Variants in PKIB observed in about 807,000 individuals in gnomAD.
PKIB encodes the protein PKI-beta.
PKIB carries 2 observed loss-of-function variants against 4.5 expected under a neutral mutation model. That is an observed-to-expected ratio of 0.44 (90% CI 0.18 to 1.39). The LOEUF is 1.39. Ranked by LOEUF, PKIB falls within the 40% of genes most tolerant of loss-of-function variation. The pLI is 0.27. For synonymous variants in PKIB, 38 were observed against 36.0 expected (o/e 1.06, Z -0.20); for missense variants, 94 against 92.6 (o/e 1.02, Z -0.06).
rs1775775996 is a variant in PKIB at position 122,633,342 on chromosome 6, C to T, written c.-101C>T. ...ATAACTCTGGGAGAAGCAGAAAACC[C>T]TGTGCCAGGGACAGGAAAGATAGGA... On this transcript the variant is annotated 5_prime_UTR_variant, in exon 2 of 5. Transcript: ENST00000368452. 6.6e-6 allele frequency: 1 copy of T among 152,148 alleles called. No homozygotes were observed. The highest frequency in any genetic ancestry group is 2.4e-5 in the African/African-American group (1 of 41,436). 9.4% of individuals were successfully genotyped at this position (152,148 alleles called of 1,614,324 possible).
chr6:122,546,406 G>A (rs769002060), intron 2 of PKIB, among the ~76,000 whole-genome samples: 2 of 151,534 alleles, frequency 1.3e-5, no homozygotes, highest in Non-Finnish European at 2.9e-5. Flanking sequence ...GGCAGGTTGG[G>A]GGGTGGAGGT....
At chr6:122,491,559 A>G (rs924597272) in intron 2 of PKIB, among the ~76,000 whole-genome samples, 1 of 152,150 alleles carries the variant, frequency 6.6e-6, no homozygotes, top group Non-Finnish European at 1.5e-5. Context: ...GTAGGCCTCT[A>G]GAAGGGACGT....
At chr6:122,614,702 A>G (rs1340528852) in intron 1 of PKIB, among the ~76,000 whole-genome samples, 1 of 152,166 alleles carries the variant, frequency 6.6e-6, no homozygotes, top group South Asian at 2.1e-4. Context: ...TTATATCTAG[A>G]TTAAATTTTA....
chr6:122,548,422 A>G (rs1772572821), intron 2 of PKIB, among the ~76,000 whole-genome samples: 1 of 152,218 alleles, frequency 6.6e-6, no homozygotes, highest in Non-Finnish European at 1.5e-5. Context: ...ACTGTTTTCA[A>G]AGTGGTCATC....
At chr6:122,477,424 T>C (rs1325526199) in intron 1 of PKIB, among the ~76,000 whole-genome samples, 1 of 152,230 alleles carries the variant, frequency 6.6e-6, no homozygotes, top group Admixed American at 6.5e-5. Flanking sequence ...AAATCAGATA[T>C]GAGAGATTTG....
At chr6:122,691,715 G>A (rs774782614) in intron 3 of PKIB, among the ~76,000 whole-genome samples, 3 of 151,912 alleles carry the variant, frequency 2.0e-5, no homozygotes, top group Non-Finnish European at 2.9e-5. Context: ...AGTTCATTTG[G>A]TGAGGCCATG....
chr6:122,628,114 G>A (rs1045467260), intron 1 of PKIB, among the ~76,000 whole-genome samples: 49 of 150,134 alleles, frequency 3.3e-4, no homozygotes, highest in African/African-American at 1.1e-3. Flanking sequence ...TTGGCTCACC[G>A]CAACCTCCAC....
chr6:122,541,803 G>A (rs911060439), intron 2 of PKIB, among the ~76,000 whole-genome samples: 14 of 151,634 alleles, frequency 9.2e-5, no homozygotes, highest in East Asian at 5.8e-4. Flanking sequence ...CATTCTCCCC[G>A]TCATTTTCAG....
chr6:122,670,629 A>G (rs917030521), intron 2 of PKIB, among the ~76,000 whole-genome samples: 1 of 152,042 alleles, frequency 6.6e-6, no homozygotes, highest in Non-Finnish European at 1.5e-5. Context: ...CCATCTTTCA[A>G]CTTTTATTAT....
intron 1 of PKIB, among the ~76,000 whole-genome samples, chr6:122,613,945 G>C (rs1774873921): frequency 7.7e-6 from 1 of 130,030 alleles, no homozygotes; most frequent in African/African-American, 2.9e-5. Context: ...CCTGGTGACA[G>C]AGTGAGACTC....
At chr6:122,581,042 A>G (rs953520117) in intron 2 of PKIB, among the ~76,000 whole-genome samples, 2 of 152,182 alleles carry the variant, frequency 1.3e-5, no homozygotes, top group African/African-American at 2.4e-5. Flanking sequence ...CAGGCTGGAG[A>G]TATACCTCGA....
At chr6:122,691,646 C>T (rs1778360315) in intron 3 of PKIB, among the ~76,000 whole-genome samples, 1 of 151,926 alleles carries the variant, frequency 6.6e-6, no homozygotes, top group South Asian at 2.1e-4. Flanking sequence ...AATTTGAATT[C>T]TCTGTCTGAA....
intron 2 of PKIB, among the ~76,000 whole-genome samples, chr6:122,520,788 A>G (rs1776919159): frequency 6.6e-6 from 1 of 152,128 alleles, no homozygotes; most frequent in Non-Finnish European, 1.5e-5. Context: ...GACCATTACA[A>G]TCAACACATT....
intron 2 of PKIB, among the ~76,000 whole-genome samples, chr6:122,573,521 C>CAAAAAAAAAAAAAAAAAAAAAA: frequency 1.1e-5 from 1 of 87,592 alleles, no homozygotes; most frequent in African/African-American, 4.3e-5. Flanking sequence ...GACTCTGTCT[C>CAAAAAAAAAAAAAAAAAAAAAA]AAAAAAAAAA....
upstream of PKIB, among the ~76,000 whole-genome samples, chr6:122,607,153 C>G (rs1158087908): frequency 6.6e-6 from 1 of 151,300 alleles, no homozygotes; most frequent in African/African-American, 2.4e-5. Flanking sequence ...GACAGGGGAG[C>G]ATTAAACATT....
At chr6:122,515,040 ATTTTAC>A (rs1466290323) in intron 2 of PKIB, among the ~76,000 whole-genome samples, 1 of 152,182 alleles carries the variant, frequency 6.6e-6, no homozygotes, top group African/African-American at 2.4e-5. Context: ...CAGTAAAACT[ATTTTAC>A]TTTTACAGCT....
intron 2 of PKIB, among the ~76,000 whole-genome samples, chr6:122,499,243 C>A (rs923751125): frequency 2.6e-5 from 4 of 152,142 alleles, no homozygotes; most frequent in Non-Finnish European, 5.9e-5. Context: ...ATATTGAAAT[C>A]TGTCAAAGAA....
chr6:122,568,215 A>G lies in PKIB; in HGVS notation c.-247-17706A>G, dbSNP rs190061260. On this transcript the variant is annotated intron_variant, in intron 2 of 6. Transcript: ENST00000392491. Reference sequence around the variant, plus strand: ...AATTTAAAGTAAAAAAATTACTGACAATGTTTACTTGTTTAAAAAGATACA... The same window carrying G: ...AATTTAAAGTAAAAAAATTACTGACGATGTTTACTTGTTTAAAAAGATACA... Among the ~76,000 whole-genome samples, 5 of 152,340 alleles carry G rather than the reference A, an allele frequency of 3.3e-5. No individual in the cohort carries two copies. In the East Asian group the frequency reaches 7.7e-4, roughly 24 times the overall value.
chr6:122,659,193 G>A (rs1393742224), intron 2 of PKIB, among the ~76,000 whole-genome samples: 1 of 152,082 alleles, frequency 6.6e-6, no homozygotes, highest in Non-Finnish European at 1.5e-5. Context: ...ATTTCATTTA[G>A]TCTGTAATTG....
Sources: gnomAD v4.1 joint callset for allele counts (sites outside exome capture counted in the v4.1 genomes callset) on GRCh38, gnomAD v4.1.1 for gene constraint, MANE v1.5 for transcripts, NCBI Gene and HGNC (gene_info 2026-07-23, HGNC 2026-07-21) for gene names.